C1orf141: variants seen among roughly 807,000 people sequenced by gnomAD.
C1orf141 encodes chromosome 1 open reading frame 141.
Under a neutral mutation model 23.2 loss-of-function variants are expected in C1orf141, and 19 were observed. The ratio of observed to expected loss-of-function variants is 0.82; its 90% CI spans 0.57 to 1.20. The LOEUF (loss-of-function observed/expected upper bound fraction) is 1.20. Among genes scored for constraint, C1orf141 ranks in the 50% most tolerant of loss-of-function variants. The pLI is 0.00. For synonymous variants in C1orf141, 153 were observed against 154.6 expected, an observed-to-expected ratio of 0.99 and a Z score of 0.08; for missense variants, 469 against 455.1, an observed-to-expected ratio of 1.03 and a Z score of -0.28.
rs139714797 is a variant in C1orf141 at position 67,093,422 on chromosome 1, A to T, written c.786T>A (p.Ser262=). ...TTTTTTGGGGTTTGAAAAGAGAAAT[A>T]GATTGATTGCCAATTATAGATTTGA... is the stretch of plus-strand genomic sequence containing the variant. The part of the protein sequence containing the change: ...EILKSIIGNQ[S]ISLFKPQKTM... The change falls in exon 8 of 8, where the codon TCT becomes TCA. Residue 262 remains serine (S), a synonymous_variant. Transcript: ENST00000684719. 1,739 of 1,611,844 alleles carry T rather than the reference A, an allele frequency of 1.1e-3. 3 individuals carry two copies. Among genetic ancestry groups the T allele is most frequent in the Non-Finnish European group, 1.4e-3 (1,629 of 1,178,466 alleles).
At chr1:67,125,974 T>G in intron 3 of C1orf141, 65 bp from the exon 4 acceptor site, 1 of 1,411,908 alleles carries the variant, frequency 7.1e-7, no homozygotes, top group Non-Finnish European at 9.4e-7. Flanking sequence ...GGGAAAATCT[T>G]AGGTGGAAAG....
At chr1:67,127,133 A>G in intron 3 of C1orf141, 33 bp downstream of exon 3, 1 of 1,436,494 alleles carries the variant, frequency 7.0e-7, no homozygotes, top group East Asian at 2.3e-5. Flanking sequence ...CCTGTTAATG[A>G]TTAAACTGAA....
intron 5 of C1orf141, among the ~76,000 whole-genome samples, chr1:67,097,983 C>T (rs1377215321): frequency 6.6e-6 from 1 of 152,166 alleles, no homozygotes; most frequent in Non-Finnish European, 1.5e-5. Context: ...TCACTCCTTT[C>T]CATTGCCAAT....
chr1:67,127,663 C>G (rs1646442237), intron 2 of C1orf141, among the ~76,000 whole-genome samples: 2 of 152,042 alleles, frequency 1.3e-5, no homozygotes, highest in African/African-American at 4.8e-5. Context: ...GAGACAGAGT[C>G]TTACTCTGTC....
intron 5 of C1orf141, among the ~76,000 whole-genome samples, chr1:67,101,933 G>T (rs954954164): frequency 6.6e-6 from 1 of 152,114 alleles, no homozygotes; most frequent in African/African-American, 2.4e-5. Flanking sequence ...AAGGGATAAT[G>T]TAGTAAACAG....
intron 5 of C1orf141, among the ~76,000 whole-genome samples, chr1:67,110,139 A>T (rs1646035652): frequency 6.6e-6 from 1 of 152,170 alleles, no homozygotes. Flanking sequence ...TGAATATAAT[A>T]GTTGACTTAA....
At chr1:67,136,566 A>C (rs747051328), upstream of C1orf141, among the ~76,000 whole-genome samples, 2 of 152,354 alleles carry the variant, frequency 1.3e-5, no homozygotes, top group South Asian at 4.1e-4. Context: ...TTTGTAAAGC[A>C]TGAATCTTAT....
chr1:67,133,142 C>CA lies in C1orf141; in HGVS notation c.-104+1787dup, dbSNP rs202190347. Among the ~76,000 whole-genome samples, 952 of 152,094 alleles carry CA rather than the reference C, an allele frequency of 6.3e-3. 8 individuals are homozygous for CA. The highest frequency in any genetic ancestry group is 0.02 in the African/African-American group (827 of 41,496). ...ACCTTTGGGACTAAAAACAAACAAACAAAAAATAACAAAACCCAGTGTCGT... is the reference window on the plus strand; with the variant it reads ...ACCTTTGGGACTAAAAACAAACAAACAAAAAAATAACAAAACCCAGTGTCGT... On this transcript the variant is annotated intron_variant, in intron 1 of 7. Coordinates refer to ENST00000684719, the MANE Select transcript of C1orf141 (RefSeq NM_001276351.2).
chr1:67,133,211 A>G (rs1413291418), intron 1 of C1orf141, among the ~76,000 whole-genome samples: 2 of 152,242 alleles, frequency 1.3e-5, no homozygotes, highest in Non-Finnish European at 2.9e-5. Context: ...AGCAAGTTCT[A>G]AACAACTCAG....
chr1:67,105,226 T>C (rs931067337), intron 5 of C1orf141, among the ~76,000 whole-genome samples: 2 of 148,492 alleles, frequency 1.3e-5, no homozygotes, highest in African/African-American at 5.0e-5. Flanking sequence ...CTCGGGAAGC[T>C]GCGGCAGGAG....
rs980388446 is a variant in C1orf141, at chr1:67,131,221, A to T, written c.-97T>A. 5 of 152,084 alleles carry T rather than the reference A, an allele frequency of 3.3e-5. No homozygotes were observed. Among genetic ancestry groups the T allele is most frequent in the Non-Finnish European group, 7.3e-5 (5 of 68,050 alleles). 9.4% of individuals were successfully genotyped at this position (152,084 alleles called of 1,614,324 possible). Reference sequence around the variant, plus strand: ...GTTTGAGACCAGGCTGGCCAACATGATGAAATCTATTAAAAAAAGAAAAAT... The same window carrying T: ...GTTTGAGACCAGGCTGGCCAACATGTTGAAATCTATTAAAAAAAGAAAAAT... On this transcript the variant is annotated 5_prime_UTR_variant, in exon 2 of 8. Coordinates refer to ENST00000684719, the MANE Select transcript of C1orf141 (RefSeq NM_001276351.2).
At chr1:67,115,880 C>G (rs1646184049) in intron 4 of C1orf141, among the ~76,000 whole-genome samples, 1 of 152,174 alleles carries the variant, frequency 6.6e-6, no homozygotes, top group Non-Finnish European at 1.5e-5. Flanking sequence ...GACAAATTAT[C>G]CTCCTCTAAA....
chr1:67,095,388 T>C lies in C1orf141; in HGVS notation c.450A>G (p.Ile150Met), dbSNP rs1645652929. 6.4e-7 allele frequency: 1 copy of C among 1,558,518 alleles called. No individual in the cohort carries two copies. Among genetic ancestry groups the C allele is most frequent in the Non-Finnish European group, 8.7e-7 (1 of 1,146,030 alleles). ...KKSPQMNDFNIKENKSVRNYQ... is the reference protein window; with the variant it reads ...KKSPQMNDFNMKENKSVRNYQ... Reference sequence around the variant, plus strand: ...AATTTCTGACCGATTTGTTTTCTTTTATATTAAAATCGTTCATCTGTGGAG... The same window carrying C: ...AATTTCTGACCGATTTGTTTTCTTTCATATTAAAATCGTTCATCTGTGGAG... Residue 150 changes from isoleucine (I) to methionine (M), a missense_variant, in exon 7 of 8, where the codon ATA becomes ATG. Ile to Met is a conservative substitution (Grantham distance 10). This residue lies in a region of C1orf141 where 370 missense variants were observed against 348.1 expected (regional missense o/e 1.06). Transcript: ENST00000684719.
chr1:67,129,569 G>A (rs1366352962), intron 2 of C1orf141, among the ~76,000 whole-genome samples: 2 of 152,178 alleles, frequency 1.3e-5, no homozygotes, highest in Admixed American at 1.3e-4. Context: ...GGGAAGGGGA[G>A]ATCCAGGATT....
rs1007479921 is a variant in C1orf141 at position 67,128,934 on chromosome 1, C to T, written c.-17-1677G>A. 5.3e-5 allele frequency among the ~76,000 whole-genome samples: 8 copies of T among 152,150 alleles called. No homozygotes were observed. The East Asian group carries it at 9.7e-4, about 18-fold the overall frequency. On this transcript the variant is annotated intron_variant, in intron 2 of 7. Coordinates refer to ENST00000684719, the MANE Select transcript of C1orf141 (RefSeq NM_001276351.2). ...TTATTCCAGCAATGCCACATGGAGA[C>T]AACAGTTCATGAAAGGAGAAAGATT... is the stretch of plus-strand genomic sequence containing the variant.
intron 5 of C1orf141, among the ~76,000 whole-genome samples, chr1:67,114,327 C>T (rs1039531854): frequency 6.6e-6 from 1 of 151,890 alleles, no homozygotes; most frequent in Non-Finnish European, 1.5e-5. Context: ...AACGTATCAT[C>T]ACCCTAGTTC....
upstream of C1orf141, among the ~76,000 whole-genome samples, chr1:67,139,648 C>T (rs1041516475): frequency 6.6e-6 from 1 of 152,180 alleles, no homozygotes; most frequent in Admixed American, 6.5e-5. Flanking sequence ...TATTTGTCCC[C>T]TCCGAAAGTC....
In C1orf141 at chr1:67,092,711, C is replaced by T. The variant is rs901106776; in HGVS notation, c.*294G>A. 3 of 195,726 alleles carry T rather than the reference C, an allele frequency of 1.5e-5. No homozygotes were observed. The highest frequency in any genetic ancestry group is 1.4e-4 in the East Asian group (1 of 7,290). The allele number at this position is 195,726 out of a possible 1,614,324, so 12.1% of individuals were successfully genotyped here. ...AGAGTCAGACTATGCCTTTCTTGGT[C>T]CTGAATCAGAGTTTAGTATAGGAAG... On this transcript the variant is annotated 3_prime_UTR_variant, in exon 8 of 8. Transcript: ENST00000684719.
intron 2 of C1orf141, among the ~76,000 whole-genome samples, chr1:67,130,863 G>A (rs1016066423): frequency 1.3e-5 from 2 of 152,088 alleles, no homozygotes; most frequent in East Asian, 1.9e-4. Context: ...TTCTCCCATC[G>A]GTCTTTGGCA....
Sources: gnomAD v4.1 joint callset for allele counts (sites outside exome capture counted in the v4.1 genomes callset) on GRCh38, gnomAD v4.1.1 for gene constraint, gnomAD v4.1.1 regional missense constraint, MANE v1.5 for transcripts, NCBI Gene and HGNC (gene_info 2026-07-23, HGNC 2026-07-21) for gene names.